The following C1GALT1 variants were observed in gnomAD, a reference collection of about 807,000 sequenced individuals.
C1GALT1 encodes glycoprotein-N-acetylgalactosamine 3-beta-galactosyltransferase 1.
A neutral mutation model predicts 31.0 loss-of-function variants in C1GALT1; 11 were observed. The observed-to-expected ratio is 0.36, with a 90% CI of 0.22 to 0.59. The LOEUF (loss-of-function observed/expected upper bound fraction) is 0.59, where lower values mean the gene tolerates loss of function less well. Ranked by LOEUF, C1GALT1 falls within the 20% of genes least tolerant of loss-of-function variation. C1GALT1 has a pLI of 0.79. For synonymous variants in C1GALT1, 175 were observed against 143.6 expected, an observed-to-expected ratio of 1.22 and a Z score of -1.56; for missense variants, 424 against 425.2, an observed-to-expected ratio of 1.00 and a Z score of 0.03.
At chr7:7,226,630 A>G (rs1782772066) in intron 1 of C1GALT1, among the ~76,000 whole-genome samples, 1 of 152,228 alleles carries the variant, frequency 6.6e-6, no homozygotes, top group South Asian at 2.1e-4. Flanking sequence ...AAGTTTGTGC[A>G]ATAGCAGACA....
intron 1 of C1GALT1, among the ~76,000 whole-genome samples, chr7:7,190,768 G>A (rs1048990941): frequency 6.6e-6 from 1 of 151,848 alleles, no homozygotes; most frequent in Non-Finnish European, 1.5e-5. Flanking sequence ...GATCAGATTA[G>A]TACACCCCTT....
intron 1 of C1GALT1, among the ~76,000 whole-genome samples, chr7:7,199,822 G>A (rs1781459763): frequency 2.0e-5 from 3 of 152,116 alleles, no homozygotes; most frequent in Non-Finnish European, 4.4e-5. Context: ...TTTGATCTTT[G>A]TTGGTTTAAA....
intron 1 of C1GALT1, among the ~76,000 whole-genome samples, chr7:7,229,370 G>C (rs889275364): frequency 6.6e-6 from 1 of 152,082 alleles, no homozygotes; most frequent in Non-Finnish European, 1.5e-5. Flanking sequence ...TAATGCTCCA[G>C]GTTCACTGCT....
intron 1 of C1GALT1, among the ~76,000 whole-genome samples, chr7:7,189,736 T>C (rs1324681827): frequency 6.6e-6 from 1 of 152,204 alleles, no homozygotes; most frequent in Non-Finnish European, 1.5e-5. Flanking sequence ...TCACAGCTTC[T>C]GAGTGTGGGA....
rs57510429 is a variant in C1GALT1, at chr7:7,207,335, C to CTTTTTTTTTTTTTTTTTTT, written c.-18+24527_-18+24545dup. ...TCTCTGTGTTTCTCTTACTCTGTTG[C>CTTTTTTTTTTTTTTTTTTT]TTTTTTTTTTTTTTTTTTTTTTTTT... On this transcript the variant is annotated intron_variant, in intron 1 of 3. Transcript: ENST00000436587. Among the ~76,000 whole-genome samples the CTTTTTTTTTTTTTTTTTTT allele has an allele frequency of 2.3e-4, 11 of 48,006 alleles. 5 individuals are homozygous for CTTTTTTTTTTTTTTTTTTT. Among genetic ancestry groups the CTTTTTTTTTTTTTTTTTTT allele is most frequent in the Non-Finnish European group, 3.5e-4 (9 of 26,070 alleles). The allele number at this position is 48,006 out of a possible 152,430, so 31.5% of individuals were successfully genotyped here.
chr7:7,224,472 G>T (rs12702596), intron 1 of C1GALT1, among the ~76,000 whole-genome samples: 4 of 151,932 alleles, frequency 2.6e-5, no homozygotes, highest in South Asian at 2.1e-4. Context: ...GGTCAGGGGC[G>T]GGGGGTGAGG....
intron 1 of C1GALT1, among the ~76,000 whole-genome samples, chr7:7,206,931 T>C (rs1237753042): frequency 6.6e-6 from 1 of 152,220 alleles, no homozygotes; most frequent in Non-Finnish European, 1.5e-5. Flanking sequence ...TATATTTTGC[T>C]GTGAGTCTCC....
At chr7:7,236,059 C>A (rs1227979979) in intron 2 of C1GALT1, among the ~76,000 whole-genome samples, 1 of 152,184 alleles carries the variant, frequency 6.6e-6, no homozygotes, top group Non-Finnish European at 1.5e-5. Context: ...ACCTAGGTCC[C>A]TATCTACTGC....
chr7:7,238,207 G>A lies in C1GALT1; in HGVS notation c.221-48G>A. 6.9e-7 allele frequency: 1 copy of A among 1,449,810 alleles called. No homozygotes were observed. Among genetic ancestry groups the A allele is most frequent in the Non-Finnish European group, 9.3e-7 (1 of 1,073,356 alleles). 89.8% of individuals were successfully genotyped at this position (1,449,810 alleles called of 1,614,324 possible). On this transcript the variant is annotated intron_variant, in intron 2 of 3. Transcript: ENST00000436587. This position sits in a 1 kb window ranked among gnomAD's most constrained non-coding sequence, Gnocchi z 5.2. The stretch of plus-strand genomic sequence containing the variant: ...TCTTCAGTATAATTTATTAATATTT[G>A]GATTTTACATCTATGTAAATAACCT...
At chr7:7,230,775 T>C (rs1783039891) in intron 1 of C1GALT1, among the ~76,000 whole-genome samples, 1 of 151,948 alleles carries the variant, frequency 6.6e-6, no homozygotes, top group Admixed American at 6.5e-5. Flanking sequence ...TAATCAGTTT[T>C]TTTTTTTTAA....
intron 2 of C1GALT1, among the ~76,000 whole-genome samples, chr7:7,237,111 A>G (rs1783396792): frequency 6.6e-6 from 1 of 152,210 alleles, no homozygotes; most frequent in South Asian, 2.1e-4. Context: ...GTCTGAAGCT[A>G]AAAATAAAAA....
chr7:7,222,173 A>G (rs1374213276), intron 1 of C1GALT1, among the ~76,000 whole-genome samples: 4 of 152,256 alleles, frequency 2.6e-5, no homozygotes, highest in Middle Eastern at 3.4e-3. Flanking sequence ...AACTACTACT[A>G]ATTGCTCAGC....
At chr7:7,217,652 C>T (rs1223371841) in intron 1 of C1GALT1, among the ~76,000 whole-genome samples, 2 of 152,162 alleles carry the variant, frequency 1.3e-5, no homozygotes, top group East Asian at 1.9e-4. Context: ...ATTTGAAATA[C>T]AACAGAAGCA....
At chr7:7,186,360 G>T (rs1325324360) in intron 1 of C1GALT1, among the ~76,000 whole-genome samples, 1 of 152,196 alleles carries the variant, frequency 6.6e-6, no homozygotes, top group African/African-American at 2.4e-5. Context: ...AGATAAAACA[G>T]TGGATAGGCA....
chr7:7,225,018 A>T (rs143428744), intron 1 of C1GALT1, among the ~76,000 whole-genome samples: 1 of 137,810 alleles, frequency 7.3e-6, no homozygotes, highest in African/African-American at 3.1e-5. Context: ...CTTTGTGTCC[A>T]TATGTCCTCT....
chr7:7,179,558 A>T (rs1780545772), upstream of C1GALT1, among the ~76,000 whole-genome samples: 2 of 152,226 alleles, frequency 1.3e-5, no homozygotes, highest in African/African-American at 4.8e-5. Context: ...TGTCTATTAA[A>T]AAATTCTATA....
At chr7:7,243,495 A>T (rs745366600) in intron 3 of C1GALT1, 29 bp from the exon 4 acceptor site, 1 of 1,529,822 alleles carries the variant, frequency 6.5e-7, no homozygotes, top group Non-Finnish European at 8.8e-7. Context: ...GCTGTTTATT[A>T]ACAATACCTG....
At chr7:7,175,246 T>C (rs1228667736) in intron 2 of C1GALT1, among the ~76,000 whole-genome samples, 1 of 152,256 alleles carries the variant, frequency 6.6e-6, no homozygotes, top group Non-Finnish European at 1.5e-5. Flanking sequence ...CCTTAGCCTG[T>C]GTTCAGCTAG....
At chr7:7,234,135 T>G (rs1236846298) in intron 1 of C1GALT1, 168 bp from the exon 2 acceptor site, 2 of 603,722 alleles carry the variant, frequency 3.3e-6, no homozygotes, top group Non-Finnish European at 5.8e-6. Flanking sequence ...TTTATGGATT[T>G]TCCATAATGT....
Sources: gnomAD v4.1 joint callset for allele counts (sites outside exome capture counted in the v4.1 genomes callset) on GRCh38, gnomAD v4.1.1 for gene constraint, Gnocchi (gnomAD v3.1) non-coding constraint, MANE v1.5 for transcripts, NCBI Gene and HGNC (gene_info 2026-07-23, HGNC 2026-07-21) for gene names.